The following AP2B1 variants were observed in gnomAD, a reference collection of about 807,000 sequenced individuals.
AP2B1 encodes the protein AP-2 complex subunit beta.
Under a neutral mutation model 102.0 loss-of-function variants are expected in AP2B1, and 23 were observed. That is an observed-to-expected ratio of 0.23 (90% CI 0.16 to 0.32). The LOEUF is 0.32. Ranked by LOEUF, AP2B1 falls within the 10% of genes least tolerant of loss-of-function variation. The probability of loss-of-function intolerance (pLI) is 1.00; values close to 1 mark genes in which losing one functional copy is unlikely to be tolerated. For missense variants in AP2B1, 541 were observed against 1,157.4 expected (o/e 0.47, Z 7.73); for synonymous variants, 381 against 421.2 (o/e 0.90, Z 1.17).
chr17:35,692,774 A>C (rs919630245), intron 18 of AP2B1, among the ~76,000 whole-genome samples: 1 of 152,186 alleles, frequency 6.6e-6, no homozygotes, highest in Non-Finnish European at 1.5e-5. Flanking sequence ...CCATGTGACC[A>C]TGTACACATA....
intron 1 of AP2B1, among the ~76,000 whole-genome samples, chr17:35,591,480 A>C (rs80275528): frequency 2.0e-5 from 3 of 152,306 alleles, no homozygotes; most frequent in Non-Finnish European, 4.4e-5. Context: ...GCCAAAAAAA[A>C]TTTAATATGT....
Position 35,724,697 on chromosome 17 carries a change from CAGCTGTGTAGTGGCAA to C in AP2B1, c.*1002_*1017del. 1 of 152,328 alleles carries C rather than the reference CAGCTGTGTAGTGGCAA, an allele frequency of 6.6e-6. No homozygotes were observed. Among genetic ancestry groups the C allele is most frequent in the Admixed American group, 6.5e-5 (1 of 15,304 alleles). The allele number at this position is 152,328 out of a possible 1,614,324, so 9.4% of individuals were successfully genotyped here. On this transcript the variant is annotated 3_prime_UTR_variant, in exon 22 of 22. Coordinates refer to ENST00000610402, the MANE Select transcript of AP2B1 (RefSeq NM_001030006.2). The stretch of plus-strand genomic sequence containing the variant: ...CACAAAGGTTACCGCCAAGGCCCGT[CAGCTGTGTAGTGGCAA>C]AGCCGAGACCGAGTCTCCTAAGTCC...
chr17:35,703,537 G>C (rs922016379), intron 18 of AP2B1, among the ~76,000 whole-genome samples: 1 of 152,168 alleles, frequency 6.6e-6, no homozygotes, highest in African/African-American at 2.4e-5. Flanking sequence ...CAGGAGCATA[G>C]ATGGAGCTGG....
rs182200877 is a variant in AP2B1, at chr17:35,660,188, G to A, written c.1989+2397G>A. On this transcript the variant is annotated intron_variant, in intron 14 of 21. Transcript: ENST00000610402. ...TGGAAATGGGTTCTCACTATGTTGC[G>A]TAGGCTCATCTTGAACTCCTGGGCT... 8.9e-5 allele frequency: 53 copies of A among 593,366 alleles called. No homozygotes were observed. The East Asian group carries it at 7.0e-3, about 78-fold the overall frequency. The allele number at this position is 593,366 out of a possible 1,614,324, so 36.8% of individuals were successfully genotyped here. A position where few individuals can be genotyped will look rare whatever the true frequency, so the allele number is the denominator to read the frequency against.
chr17:35,660,447 C>G (rs547238704), intron 14 of AP2B1, among the ~76,000 whole-genome samples: 1 of 151,576 alleles, frequency 6.6e-6, no homozygotes, highest in South Asian at 2.1e-4. Context: ...CTGTAGCTAC[C>G]TAGATGCTCA....
intron 2 of AP2B1, among the ~76,000 whole-genome samples, chr17:35,597,615 T>A (rs1023586871): frequency 6.6e-6 from 1 of 152,216 alleles, no homozygotes; most frequent in Non-Finnish European, 1.5e-5. Flanking sequence ...TTGGTGGAGC[T>A]CTTAAAGGTA....
intron 14 of AP2B1, among the ~76,000 whole-genome samples, chr17:35,665,118 T>G (rs2075436985): frequency 7.0e-6 from 1 of 143,282 alleles, no homozygotes; most frequent in Non-Finnish European, 1.5e-5. Flanking sequence ...TGATGCTTTT[T>G]GGAATAGCTT....
intron 4 of AP2B1, among the ~76,000 whole-genome samples, chr17:35,607,124 C>G (rs1306802008): frequency 6.6e-6 from 1 of 152,070 alleles, no homozygotes; most frequent in Non-Finnish European, 1.5e-5. Flanking sequence ...AGGCTGGTCT[C>G]GAACTCCTGA....
chr17:35,694,670 G>A (rs2076106490), intron 18 of AP2B1, among the ~76,000 whole-genome samples: 1 of 152,132 alleles, frequency 6.6e-6, no homozygotes, highest in African/African-American at 2.4e-5. Flanking sequence ...GAGGTCAGGA[G>A]TTCGAGACCA....
intron 18 of AP2B1, among the ~76,000 whole-genome samples, chr17:35,690,512 A>G (rs1237120110): frequency 6.6e-6 from 1 of 152,182 alleles, no homozygotes; most frequent in Non-Finnish European, 1.5e-5. Context: ...TATCCTCTCT[A>G]AAAGAATCAA....
chr17:35,594,200 T>A (rs1356511677), intron 2 of AP2B1, 133 bp downstream of exon 2: 3 of 569,948 alleles, frequency 5.3e-6, no homozygotes, highest in African/African-American at 3.9e-5. Context: ...CATCTACTAC[T>A]TCTATAGATG....
intron 10 of AP2B1, 44 bp from the exon 11 acceptor site, chr17:35,639,551 C>T: frequency 1.9e-6 from 3 of 1,552,920 alleles, no homozygotes; most frequent in Non-Finnish European, 2.6e-6. Flanking sequence ...TAAATTAGTT[C>T]TTAGTTTTGC....
At chr17:35,625,886 A>C (rs1479837625) in intron 6 of AP2B1, among the ~76,000 whole-genome samples, 1 of 152,148 alleles carries the variant, frequency 6.6e-6, no homozygotes, top group African/African-American at 2.4e-5. Flanking sequence ...CAGCCTATTT[A>C]TCTTCTTTCT....
At chr17:35,637,534 G>A (rs1325287211) in intron 10 of AP2B1, among the ~76,000 whole-genome samples, 2 of 152,126 alleles carry the variant, frequency 1.3e-5, no homozygotes, top group Non-Finnish European at 2.9e-5. Context: ...TAGTAAGTTA[G>A]CTTAGTGGTG....
chr17:35,610,763 C>T (rs1471084471), intron 5 of AP2B1, among the ~76,000 whole-genome samples: 2 of 151,896 alleles, frequency 1.3e-5, no homozygotes, highest in Non-Finnish European at 2.9e-5. Context: ...AAAAATTAGC[C>T]GGGCGTGGTG....
At chr17:35,618,405 C>G (rs185645694) in intron 5 of AP2B1, among the ~76,000 whole-genome samples, 3 of 152,310 alleles carry the variant, frequency 2.0e-5, no homozygotes, top group African/African-American at 4.8e-5. Context: ...TTCAAGTCTT[C>G]AGGGATACCA....
intron 18 of AP2B1, among the ~76,000 whole-genome samples, chr17:35,686,409 A>G (rs1246249683): frequency 6.6e-6 from 1 of 152,208 alleles, no homozygotes; most frequent in East Asian, 1.9e-4. Flanking sequence ...TGTGCTTAGA[A>G]ACATTTTCCC....
At chr17:35,631,758 TGCA>T (rs2074468964) in intron 9 of AP2B1, among the ~76,000 whole-genome samples, 1 of 152,248 alleles carries the variant, frequency 6.6e-6, no homozygotes, top group African/African-American at 2.4e-5. Context: ...GGAGTATCCT[TGCA>T]ACTAAATCTT....
intron 5 of AP2B1, among the ~76,000 whole-genome samples, chr17:35,611,420 T>C (rs1166368841): frequency 6.6e-6 from 1 of 152,080 alleles, no homozygotes; most frequent in African/African-American, 2.4e-5. Context: ...CCTATACAGT[T>C]AGATGGTCAG....
Sources: gnomAD v4.1 joint callset for allele counts (sites outside exome capture counted in the v4.1 genomes callset) on GRCh38, gnomAD v4.1.1 for gene constraint, MANE v1.5 for transcripts, NCBI Gene and HGNC (gene_info 2026-07-23, HGNC 2026-07-21) for gene names.